The following L3MBTL4 variants were observed in gnomAD, a reference collection of about 807,000 sequenced individuals.
The protein encoded by L3MBTL4 is L3MBTL histone methyl-lysine binding protein 4, also known as lethal(3)malignant brain tumor-like protein 4.
In L3MBTL4, 70 loss-of-function variants were observed where a neutral mutation model predicts 84.5. The observed-to-expected ratio is 0.83, with a 90% CI of 0.68 to 1.01. L3MBTL4 has a LOEUF of 1.01. L3MBTL4 is among the 50% of genes least tolerant of loss of function. The pLI is 0.00. For synonymous variants in L3MBTL4, 274 were observed against 259.8 expected (o/e 1.05, Z -0.52); for missense variants, 715 against 754.8 (o/e 0.95, Z 0.62).
chr18:6,393,389 T>C (rs938228061), intron 1 of L3MBTL4, among the ~76,000 whole-genome samples: 2 of 152,162 alleles, frequency 1.3e-5, no homozygotes, highest in Non-Finnish European at 2.9e-5. Flanking sequence ...ACAGGGAGCA[T>C]GAGTGGTGAC....
In L3MBTL4 at chr18:6,215,853, T is replaced by C. The variant is rs759405308; in HGVS notation, c.785-18A>G. ...GGGATAACCTGAAAATATATATATATAAATAGCAAAAGATTACTCATAGAT... is the reference window on the plus strand; with the variant it reads ...GGGATAACCTGAAAATATATATATACAAATAGCAAAAGATTACTCATAGAT... On this transcript the variant is annotated intron_variant, in intron 10 of 18. Coordinates refer to ENST00000317931, the MANE Select transcript of L3MBTL4 (RefSeq NM_001330559.2). The C allele has an allele frequency of 2.2e-6, 3 of 1,350,192 alleles. No individual in the cohort carries two copies. The highest frequency in any genetic ancestry group is 2.4e-5 in the East Asian group (1 of 41,856). The allele number at this position is 1,350,192 out of a possible 1,614,324, so 83.6% of individuals were successfully genotyped here. A position where few individuals can be genotyped will look rare whatever the true frequency, so the allele number is the denominator to read the frequency against.
chr18:6,275,081 G>A (rs548038468), intron 4 of L3MBTL4, among the ~76,000 whole-genome samples: 1 of 152,270 alleles, frequency 6.6e-6, no homozygotes, highest in East Asian at 1.9e-4. Flanking sequence ...AGACATTGCA[G>A]GAGAAAGTTC....
At chr18:6,067,735 T>C (rs1814182111) in intron 16 of L3MBTL4, among the ~76,000 whole-genome samples, 1 of 152,206 alleles carries the variant, frequency 6.6e-6, no homozygotes, top group Admixed American at 6.5e-5. Context: ...TACCTTTCTC[T>C]AGTATCTCCT....
chr18:6,021,520 T>C (rs1164604753), intron 16 of L3MBTL4, among the ~76,000 whole-genome samples: 1 of 152,198 alleles, frequency 6.6e-6, no homozygotes, highest in Non-Finnish European at 1.5e-5. Flanking sequence ...CGGCGTGCCA[T>C]CCTGTTCCCC....
At chr18:6,334,737 T>C (rs1461269874) in intron 1 of L3MBTL4, among the ~76,000 whole-genome samples, 1 of 152,176 alleles carries the variant, frequency 6.6e-6, no homozygotes, top group Non-Finnish European at 1.5e-5. Flanking sequence ...TTATGAAAGA[T>C]ATAGTTTGTT....
chr18:6,328,240 T>G (rs1285095945), intron 1 of L3MBTL4, among the ~76,000 whole-genome samples: 1 of 152,252 alleles, frequency 6.6e-6, no homozygotes, highest in African/African-American at 2.4e-5. Flanking sequence ...GGAGTAATAT[T>G]AACATACATA....
At chr18:6,147,670 T>C (rs1477229518) in intron 13 of L3MBTL4, among the ~76,000 whole-genome samples, 3 of 152,180 alleles carry the variant, frequency 2.0e-5, no homozygotes, top group Non-Finnish European at 2.9e-5. Context: ...ATCGATATAA[T>C]AATAATACTT....
intron 16 of L3MBTL4, among the ~76,000 whole-genome samples, chr18:6,014,726 A>T (rs1240303289): frequency 2.6e-5 from 4 of 152,112 alleles, no homozygotes; most frequent in Non-Finnish European, 5.9e-5. Flanking sequence ...ATAGAGGACA[A>T]AGGGTTTTGT....
rs543411088 is a variant in L3MBTL4 at position 5,978,880 on chromosome 18, C to T, written c.1445-9318G>A. 1.3e-4 allele frequency among the ~76,000 whole-genome samples: 20 copies of T among 152,310 alleles called. No individual in the cohort carries two copies. In the South Asian group the frequency reaches 3.7e-3, roughly 28 times the overall value. On this transcript the variant is annotated intron_variant, in intron 16 of 18. Transcript: ENST00000317931. ...CAGTCCAAAAGCCTGAGCAGGTCTGCGTGCTGCTCTCTCAACTCCCACAAC... is the reference window on the plus strand; with the variant it reads ...CAGTCCAAAAGCCTGAGCAGGTCTGTGTGCTGCTCTCTCAACTCCCACAAC...
At chr18:6,088,736 T>C (rs1162769302) in intron 15 of L3MBTL4, among the ~76,000 whole-genome samples, 1 of 152,202 alleles carries the variant, frequency 6.6e-6, no homozygotes, top group Non-Finnish European at 1.5e-5. Context: ...GTTATAATTC[T>C]GAGGGTGGAG....
Position 6,301,210 on chromosome 18 carries a change from C to T in L3MBTL4, c.127+693G>A, listed in dbSNP as rs1282295645. On this transcript the variant is annotated intron_variant, in intron 4 of 18. Coordinates refer to ENST00000317931, the MANE Select transcript of L3MBTL4 (RefSeq NM_001330559.2). ...GCTTCCTCAACAAAATGTTAAGGTACTTTAAAAGTTAATTAGAGGACCATT... is the reference window on the plus strand; with the variant it reads ...GCTTCCTCAACAAAATGTTAAGGTATTTTAAAAGTTAATTAGAGGACCATT... 2.0e-5 allele frequency among the ~76,000 whole-genome samples: 3 copies of T among 152,028 alleles called. No individual in the cohort carries two copies. In the South Asian group the frequency reaches 6.2e-4, roughly 32 times the overall value.
At chr18:5,976,354 T>C (rs1465291554) in intron 16 of L3MBTL4, among the ~76,000 whole-genome samples, 1 of 152,204 alleles carries the variant, frequency 6.6e-6, no homozygotes, top group Non-Finnish European at 1.5e-5. Context: ...ATACGGCCAG[T>C]AGAAACTTTC....
intron 1 of L3MBTL4, among the ~76,000 whole-genome samples, chr18:6,312,986 C>T (rs1361691167): frequency 6.6e-6 from 1 of 152,188 alleles, no homozygotes. Flanking sequence ...TCCTTTCTGA[C>T]CCCACTAAAA....
At chr18:6,337,097 A>C (rs2052376323) in intron 1 of L3MBTL4, among the ~76,000 whole-genome samples, 1 of 152,190 alleles carries the variant, frequency 6.6e-6, no homozygotes, top group Non-Finnish European at 1.5e-5. Flanking sequence ...TCCAAACTAA[A>C]CAGAGAGGAA....
intron 16 of L3MBTL4, among the ~76,000 whole-genome samples, chr18:5,973,614 A>C (rs1158673245): frequency 6.6e-6 from 1 of 152,230 alleles, no homozygotes; most frequent in Non-Finnish European, 1.5e-5. Context: ...AAAGAACATA[A>C]GCTGATGATG....
In L3MBTL4 at chr18:6,030,994, C is replaced by T. The variant is rs555290991; in HGVS notation, c.1444+49887G>A. Reference sequence around the variant, plus strand: ...AATTAATTCTACAATTTCATCTTTCCCTTTACCAAGCTGGTCCATGTTTCC... The same window carrying T: ...AATTAATTCTACAATTTCATCTTTCTCTTTACCAAGCTGGTCCATGTTTCC... On this transcript the variant is annotated intron_variant, in intron 16 of 18. Coordinates refer to ENST00000317931, the MANE Select transcript of L3MBTL4 (RefSeq NM_001330559.2). 3.0e-5 allele frequency: 30 copies of T among 985,242 alleles called. No individual in the cohort carries two copies. The African/African-American group carries it at 5.2e-4, about 17-fold the overall frequency. The allele number at this position is 985,242 out of a possible 1,614,324, so 61.0% of individuals were successfully genotyped here.
chr18:5,976,279 A>T (rs2052926581), intron 16 of L3MBTL4, among the ~76,000 whole-genome samples: 1 of 152,242 alleles, frequency 6.6e-6, no homozygotes, highest in Non-Finnish European at 1.5e-5. Flanking sequence ...GATGTTTTGG[A>T]TCTATTGGGT....
chr18:6,010,654 C>A (rs961702422), intron 16 of L3MBTL4, among the ~76,000 whole-genome samples: 1 of 152,170 alleles, frequency 6.6e-6, no homozygotes, highest in African/African-American at 2.4e-5. Flanking sequence ...CCCCGCAACC[C>A]GCTTTAACCC....
At chr18:5,978,902 C>A (rs1360182007) in intron 16 of L3MBTL4, among the ~76,000 whole-genome samples, 1 of 152,166 alleles carries the variant, frequency 6.6e-6, no homozygotes, top group East Asian at 1.9e-4. Flanking sequence ...TCAACTCCCA[C>A]AACGGGAGGG....
Sources: gnomAD v4.1 joint callset for allele counts (sites outside exome capture counted in the v4.1 genomes callset) on GRCh38, gnomAD v4.1.1 for gene constraint, MANE v1.5 for transcripts, NCBI Gene and HGNC (gene_info 2026-07-23, HGNC 2026-07-21) for gene names.